MAP3K20: variants seen among roughly 807,000 people sequenced by gnomAD.
MAP3K20 encodes the protein mitogen-activated protein kinase kinase kinase 20.
MAP3K20 carries 40 observed loss-of-function variants against 85.7 expected under a neutral mutation model. The observed-to-expected ratio is 0.47, with a 90% CI of 0.36 to 0.61. The LOEUF is 0.61. Among genes scored for constraint, MAP3K20 ranks in the 20% least tolerant of loss-of-function variants. The probability of loss-of-function intolerance (pLI) is 0.00; values close to 1 mark genes in which losing one functional copy is unlikely to be tolerated. For synonymous variants in MAP3K20, 325 were observed against 327.7 expected, an observed-to-expected ratio of 0.99 and a Z score of 0.09; for missense variants, 817 against 961.7, an observed-to-expected ratio of 0.85 and a Z score of 1.99.
In MAP3K20 at chr2:173,190,001, T is replaced by C. The variant is rs567686925; in HGVS notation, c.416-894T>C. On this transcript the variant is annotated intron_variant, in intron 5 of 19. Transcript: ENST00000375213. ...CTGACATAGTCTCCCCTCTGCACCT[T>C]TGCTCATTTCATCCCTCCACATAAA... Among the ~76,000 whole-genome samples the C allele has an allele frequency of 2.0e-5, 3 of 152,266 alleles. No individual in the cohort carries two copies. The East Asian group carries it at 5.8e-4, about 29-fold the overall frequency.
chr2:173,143,005 C>T (rs1233102845), intron 2 of MAP3K20, among the ~76,000 whole-genome samples: 1 of 152,034 alleles, frequency 6.6e-6, no homozygotes, highest in East Asian at 1.9e-4. Flanking sequence ...CCAGCCTGGA[C>T]AGCAGAGCTA....
intron 14 of MAP3K20, among the ~76,000 whole-genome samples, chr2:173,235,927 C>T (rs1684636500): frequency 6.6e-6 from 1 of 151,956 alleles, no homozygotes; most frequent in Non-Finnish European, 1.5e-5. Context: ...AATGCTGTTA[C>T]AAAAGTCAAA....
intron 19 of MAP3K20, 127 bp from the exon 20 acceptor site, chr2:173,265,923 A>G: frequency 1.1e-6 from 1 of 942,754 alleles, no homozygotes; most frequent in South Asian, 1.8e-5. Flanking sequence ...TACATAGCCT[A>G]GAATTTCTAT....
rs555896476 is a variant in MAP3K20, at chr2:173,219,496, G to A, written c.987+2246G>A. On this transcript the variant is annotated intron_variant, in intron 11 of 19. Coordinates refer to ENST00000375213, the MANE Select transcript of MAP3K20 (RefSeq NM_016653.3). ...AGATCTTTAGAGTCAAACCTCATGT[G>A]AGGAAGGACCCTCAAAATAATGCAA... Among the ~76,000 whole-genome samples the A allele has an allele frequency of 3.3e-5, 5 of 152,252 alleles. No individual in the cohort carries two copies. The East Asian group carries it at 9.6e-4, about 29-fold the overall frequency.
At position 173,228,909 on chromosome 2, in the gene MAP3K20, G is replaced by A. The variant is rs541759153; in HGVS notation, c.988-780G>A. Among the ~76,000 whole-genome samples, 7 of 152,272 alleles carry A rather than the reference G, an allele frequency of 4.6e-5. No homozygotes were observed. The South Asian group carries it at 1.4e-3, about 32-fold the overall frequency. On this transcript the variant is annotated intron_variant, in intron 11 of 19. Transcript: ENST00000375213. ...CTCATAAGCAATTCATTTTTGGGGG[G>A]CAAGTTAGGCTAGTTAAAGCTAATA...
chr2:173,246,050 T>C lies in MAP3K20; in HGVS notation c.1359+6554T>C, dbSNP rs183044091. On this transcript the variant is annotated intron_variant, in intron 16 of 19. Coordinates refer to ENST00000375213, the MANE Select transcript of MAP3K20 (RefSeq NM_016653.3). ...TGTTTCCCATGCTAGGGATAATTAT[T>C]ATTCCTTCGTACTTCTGGTGAGCAC... Among the ~76,000 whole-genome samples, 107 of 152,320 alleles carry C rather than the reference T, an allele frequency of 7.0e-4. No homozygotes were observed. In the Middle Eastern group the frequency reaches 0.017, roughly 24 times the overall value.
chr2:173,226,660 T>G, intron 11 of MAP3K20: 1 of 985,878 alleles, frequency 1.0e-6, no homozygotes, highest in Non-Finnish European at 1.2e-6. Flanking sequence ...TTCTGGCATG[T>G]GATTATTTAC....
intron 2 of MAP3K20, among the ~76,000 whole-genome samples, chr2:173,117,926 G>A (rs1688170873): frequency 2.6e-5 from 4 of 152,136 alleles, no homozygotes; most frequent in Non-Finnish European, 4.4e-5. Flanking sequence ...ATGGGAAGGG[G>A]GTGATAGATG....
At chr2:173,126,080 G>C (rs1007138408) in intron 2 of MAP3K20, among the ~76,000 whole-genome samples, 8 of 152,264 alleles carry the variant, frequency 5.3e-5, no homozygotes, top group Non-Finnish European at 1.0e-4. Flanking sequence ...ATGCTTTCAA[G>C]CAATATAATT....
chr2:173,209,352 G>C (rs189794136), intron 9 of MAP3K20, among the ~76,000 whole-genome samples: 1 of 152,326 alleles, frequency 6.6e-6, no homozygotes, highest in Admixed American at 6.5e-5. Flanking sequence ...ACCACACACA[G>C]TCTACTGTTA....
chr2:173,222,462 A>C (rs531114978), intron 11 of MAP3K20: 5 of 985,702 alleles, frequency 5.1e-6, no homozygotes, highest in African/African-American at 1.7e-5. Context: ...CCTCTTAACA[A>C]CACACTGTCA....
intron 12 of MAP3K20, among the ~76,000 whole-genome samples, chr2:173,230,412 G>A (rs955189348): frequency 6.6e-6 from 1 of 152,158 alleles, no homozygotes; most frequent in Non-Finnish European, 1.5e-5. Context: ...CTGGTACACC[G>A]CTGAACCGGC....
chr2:173,148,433 C>T (rs72908913), intron 2 of MAP3K20, among the ~76,000 whole-genome samples: 132 of 152,224 alleles, frequency 8.7e-4, no homozygotes, highest in Middle Eastern at 3.4e-3. Context: ...TTTTACTATT[C>T]GAAAGGGACT....
chr2:173,227,772 T>TC, intron 11 of MAP3K20, among the ~76,000 whole-genome samples: 1 of 152,222 alleles, frequency 6.6e-6, no homozygotes, highest in Non-Finnish European at 1.5e-5. Flanking sequence ...ACACATCCCC[T>TC]CCCCCCAACC....
At chr2:173,257,538 G>C (rs957800055) in intron 16 of MAP3K20, among the ~76,000 whole-genome samples, 2 of 152,082 alleles carry the variant, frequency 1.3e-5, no homozygotes, top group Non-Finnish European at 1.5e-5. Flanking sequence ...TCCATTCTAT[G>C]CATATATCAC....
At chr2:173,121,989 T>C (rs1198268256) in intron 2 of MAP3K20, among the ~76,000 whole-genome samples, 1 of 152,210 alleles carries the variant, frequency 6.6e-6, no homozygotes, top group Non-Finnish European at 1.5e-5. Context: ...CCGCAGAGCA[T>C]ATAATTGTAT....
chr2:173,120,511 A>G (rs1352067555), intron 2 of MAP3K20, among the ~76,000 whole-genome samples: 2 of 151,580 alleles, frequency 1.3e-5, no homozygotes, highest in Non-Finnish European at 2.9e-5. Flanking sequence ...TTCAGAACCT[A>G]GAATAGCCAG....
At chr2:173,113,183 G>T (rs1325909710) in intron 2 of MAP3K20, among the ~76,000 whole-genome samples, 2 of 152,052 alleles carry the variant, frequency 1.3e-5, no homozygotes, top group Non-Finnish European at 2.9e-5. Context: ...CGTGAGTAAA[G>T]GTGTTCATAG....
chr2:173,168,105 CTAA>C (rs1198812177), intron 2 of MAP3K20, among the ~76,000 whole-genome samples: 4 of 90,068 alleles, frequency 4.4e-5, no homozygotes, highest in South Asian at 3.6e-4. Context: ...AACTTTATTT[CTAA>C]TAATAATAAA....
Sources: gnomAD v4.1 joint callset for allele counts (sites outside exome capture counted in the v4.1 genomes callset) on GRCh38, gnomAD v4.1.1 for gene constraint, MANE v1.5 for transcripts, NCBI Gene and HGNC (gene_info 2026-07-23, HGNC 2026-07-21) for gene names.